The following RNF149 variants were observed in gnomAD, a reference collection of about 807,000 sequenced individuals.
RNF149 encodes E3 ubiquitin-protein ligase RNF149.
A neutral mutation model predicts 39.0 loss-of-function variants in RNF149; 21 were observed. The ratio of observed to expected loss-of-function variants is 0.54; its 90% CI spans 0.38 to 0.77. The LOEUF (loss-of-function observed/expected upper bound fraction) is 0.77. Ranked by LOEUF, RNF149 falls within the 30% of genes least tolerant of loss-of-function variation. The pLI is 0.00. For missense variants in RNF149, 493 were observed against 534.9 expected (o/e 0.92, Z 0.77); for synonymous variants, 209 against 213.6 (o/e 0.98, Z 0.19).
chr2:101,294,401 A>C (rs976920120), intron 2 of RNF149: 10 of 250,488 alleles, frequency 4.0e-5, no homozygotes, highest in African/African-American at 2.3e-4. Flanking sequence ...ATGCTTAAAT[A>C]TTGTCAAGAA....
Position 101,308,693 on chromosome 2 carries a change from G to C in RNF149, c.-105C>G, listed in dbSNP as rs890508422. 4 of 1,096,468 alleles carry C rather than the reference G, an allele frequency of 3.6e-6. No homozygotes were observed. The highest frequency in any genetic ancestry group is 4.9e-6 in the Non-Finnish European group (4 of 808,818). The allele number at this position is 1,096,468 out of a possible 1,614,324, so 67.9% of individuals were successfully genotyped here. A position where few individuals can be genotyped will look rare whatever the true frequency, so the allele number is the denominator to read the frequency against. The stretch of plus-strand genomic sequence containing the variant: ...ACCCACCGCCGCCCTGGAAGACTGA[G>C]GCGGGGTCGGGGCCGCTGCGCACGC... On this transcript the variant is annotated 5_prime_UTR_variant, in exon 1 of 7. Transcript: ENST00000295317.
downstream of RNF149, among the ~76,000 whole-genome samples, chr2:101,272,057 T>G (rs1396033527): frequency 6.6e-6 from 1 of 152,236 alleles, no homozygotes; most frequent in Non-Finnish European, 1.5e-5. Flanking sequence ...GAAGAACTTT[T>G]TACACATTTG....
chr2:101,286,899 G>T (rs1682815322), intron 4 of RNF149, among the ~76,000 whole-genome samples: 1 of 152,220 alleles, frequency 6.6e-6, no homozygotes, highest in African/African-American at 2.4e-5. Context: ...CCCACACCAG[G>T]GTTAGAGGGG....
At chr2:101,295,652 C>A (rs1683202403) in intron 1 of RNF149, among the ~76,000 whole-genome samples, 2 of 149,060 alleles carry the variant, frequency 1.3e-5, no homozygotes, top group African/African-American at 2.5e-5. Flanking sequence ...CAGTGCGAGA[C>A]CCCATCTCAA....
At chr2:101,302,798 C>A (rs920789866) in intron 1 of RNF149, among the ~76,000 whole-genome samples, 2 of 151,976 alleles carry the variant, frequency 1.3e-5, no homozygotes, top group African/African-American at 4.8e-5. Flanking sequence ...GGGCAACACA[C>A]GGAGACCCCA....
chr2:101,296,165 A>G (rs1409405458), intron 1 of RNF149, among the ~76,000 whole-genome samples: 1 of 152,200 alleles, frequency 6.6e-6, no homozygotes, highest in Admixed American at 6.5e-5. Flanking sequence ...ACTTATGAGT[A>G]CTAATACATA....
At chr2:101,273,162 C>G, downstream of RNF149, 1 of 1,308,386 alleles carries the variant, frequency 7.6e-7, no homozygotes, top group Non-Finnish European at 1.0e-6. Context: ...CCTCTCTGGC[C>G]CTTTAGTTTT....
intron 5 of RNF149, among the ~76,000 whole-genome samples, chr2:101,283,997 C>T (rs1268606556): frequency 6.6e-6 from 1 of 152,176 alleles, no homozygotes; most frequent in Non-Finnish European, 1.5e-5. Context: ...ATCAAGCTCC[C>T]TGTATGCTAT....
At chr2:101,283,941 T>C (rs1371928759) in intron 5 of RNF149, among the ~76,000 whole-genome samples, 1 of 152,130 alleles carries the variant, frequency 6.6e-6, no homozygotes, top group Non-Finnish European at 1.5e-5. Context: ...TTAGAGTGTA[T>C]CTAATGAAGG....
chr2:101,277,007 C>A lies in RNF149; in HGVS notation c.*231G>T. 2 of 1,258,106 alleles carry A rather than the reference C, an allele frequency of 1.6e-6. No individual in the cohort carries two copies. Among genetic ancestry groups the A allele is most frequent in the Non-Finnish European group, 2.0e-6 (2 of 990,888 alleles). 77.9% of individuals were successfully genotyped at this position (1,258,106 alleles called of 1,614,324 possible). On this transcript the variant is annotated 3_prime_UTR_variant, in exon 7 of 7. Transcript: ENST00000295317. ...TTGTCTTTGTAATAGTCTGAAGCAA[C>A]ACACTGTTCATGGTAAACACTCTAT...
At chr2:101,278,810 A>G (rs2104385987) in intron 6 of RNF149, among the ~76,000 whole-genome samples, 1 of 152,196 alleles carries the variant, frequency 6.6e-6, no homozygotes. Context: ...CAATCTCTCC[A>G]ATTCCCCCCA....
intron 3 of RNF149, 134 bp from the exon 4 acceptor site, chr2:101,289,189 T>C (rs1682909727): frequency 1.7e-6 from 1 of 597,916 alleles, no homozygotes; most frequent in African/African-American, 1.9e-5. Context: ...AAAACACAAA[T>C]AACTGTACTT....
At chr2:101,298,664 C>T (rs1170515939) in intron 1 of RNF149, among the ~76,000 whole-genome samples, 1 of 151,910 alleles carries the variant, frequency 6.6e-6, no homozygotes, top group Admixed American at 6.6e-5. Context: ...AACAAAAAAA[C>T]CCCAAAAAAC....
At chr2:101,293,190 C>T (rs114584284) in intron 3 of RNF149, among the ~76,000 whole-genome samples, 7 of 151,454 alleles carry the variant, frequency 4.6e-5, no homozygotes, top group African/African-American at 1.7e-4. Flanking sequence ...TTGCTTTAAT[C>T]CTTTAAGGTC....
chr2:101,291,729 T>C (rs1482978857), intron 3 of RNF149, among the ~76,000 whole-genome samples: 2 of 152,236 alleles, frequency 1.3e-5, no homozygotes, highest in Non-Finnish European at 2.9e-5. Flanking sequence ...AAGTCTCTAA[T>C]AATGGTTTGC....
intron 4 of RNF149, among the ~76,000 whole-genome samples, chr2:101,287,338 A>G (rs1190875890): frequency 6.6e-6 from 1 of 152,234 alleles, no homozygotes; most frequent in Non-Finnish European, 1.5e-5. Context: ...AAATAAAAAA[A>G]ACAGTACTTA....
chr2:101,275,111 GT>G (rs1165388203), downstream of RNF149, among the ~76,000 whole-genome samples: 269 of 51,070 alleles, frequency 5.3e-3, 1 homozygote, highest in African/African-American at 0.02. Flanking sequence ...TAGTATTTCT[GT>G]TTTTTTTTTT....
Position 101,277,197 on chromosome 2 carries a change from A to G in RNF149, c.*41T>C. ...AAAAAAATAAAATGTCCTTTAGTTC[A>G]AGCCAAACTTCTGTTGGTGCCACTT... On this transcript the variant is annotated 3_prime_UTR_variant, in exon 7 of 7. Coordinates refer to ENST00000295317, the MANE Select transcript of RNF149 (RefSeq NM_173647.4). The G allele has an allele frequency of 6.2e-7, 1 of 1,611,692 alleles. No homozygotes were observed. The highest frequency in any genetic ancestry group is 8.5e-7 in the Non-Finnish European group (1 of 1,178,678).
intron 5 of RNF149, among the ~76,000 whole-genome samples, 163 bp downstream of exon 5, chr2:101,285,918 C>T (rs1682776592): frequency 6.6e-6 from 1 of 152,128 alleles, no homozygotes; most frequent in Admixed American, 6.6e-5. Context: ...TTTTTTTACA[C>T]TGCCTTAATA....
Sources: gnomAD v4.1 joint callset for allele counts (sites outside exome capture counted in the v4.1 genomes callset) on GRCh38, gnomAD v4.1.1 for gene constraint, MANE v1.5 for transcripts, NCBI Gene and HGNC (gene_info 2026-07-23, HGNC 2026-07-21) for gene names.